Variants in ZNF426 observed in about 807,000 individuals in gnomAD.
ZNF426 encodes zinc finger protein 426.
In ZNF426, 23 loss-of-function variants were observed where a neutral mutation model predicts 24.0. The ratio of observed to expected loss-of-function variants is 0.96; its 90% CI spans 0.69 to 1.36. The LOEUF (loss-of-function observed/expected upper bound fraction) is 1.36. Among genes scored for constraint, ZNF426 ranks in the 40% most tolerant of loss-of-function variants. ZNF426 has a pLI of 0.00. For missense variants in ZNF426, 646 were observed against 658.4 expected, an observed-to-expected ratio of 0.98 and a Z score of 0.21; for synonymous variants, 272 against 224.6, an observed-to-expected ratio of 1.21 and a Z score of -1.89.
In ZNF426 at chr19:9,537,869, G is replaced by A. The variant is rs186235066; in HGVS notation, c.-125+390C>T. On this transcript the variant is annotated intron_variant, in intron 2 of 7. Transcript: ENST00000253115. ...GGGTTTCACCATCTTAGCCAGGCTG[G>A]TTTCAAACTCCTTAATCCAACCATC... 1.1e-4 allele frequency among the ~76,000 whole-genome samples: 17 copies of A among 152,098 alleles called. No individual in the cohort carries two copies. In the East Asian group the frequency reaches 3.3e-3, roughly 29 times the overall value.
At chr19:9,532,264 ATTTTTCTT>A (rs1190166017) in intron 6 of ZNF426, among the ~76,000 whole-genome samples, 40 of 144,812 alleles carry the variant, frequency 2.8e-4, no homozygotes, top group African/African-American at 9.3e-4. Context: ...ATTTCTGGAA[ATTTTTCTT>A]TTTTTCTTTT....
rs2073794643 is a variant in ZNF426, at chr19:9,526,638, A to G, written c.*1742T>C. 2.0e-5 allele frequency: 3 copies of G among 152,192 alleles called. No homozygotes were observed. The South Asian group carries it at 6.2e-4, about 32-fold the overall frequency. 9.4% of individuals were successfully genotyped at this position (152,192 alleles called of 1,614,324 possible). ...TAACTACAAAAGATGTATCCTACAT[A>G]TAAAGGAAATACCAGATGGAAAGAA... On this transcript the variant is annotated 3_prime_UTR_variant, in exon 8 of 8. Transcript: ENST00000253115.
Position 9,528,147 on chromosome 19 carries a change from G to C in ZNF426, c.*233C>G. 1 of 414,946 alleles carries C rather than the reference G, an allele frequency of 2.4e-6. No homozygotes were observed. Among genetic ancestry groups the C allele is most frequent in the Non-Finnish European group, 4.3e-6 (1 of 233,564 alleles). The allele number at this position is 414,946 out of a possible 1,614,324, so 25.7% of individuals were successfully genotyped here. A position where few individuals can be genotyped will look rare whatever the true frequency, so the allele number is the denominator to read the frequency against. Reference sequence around the variant, plus strand: ...GGGATTACAGGTGCCCACCACACCTGGCTAAATTTTTTGTATTTTCAGTAG... The same window carrying C: ...GGGATTACAGGTGCCCACCACACCTCGCTAAATTTTTTGTATTTTCAGTAG... On this transcript the variant is annotated 3_prime_UTR_variant, in exon 8 of 8. Transcript: ENST00000253115.
chr19:9,528,780 C>A lies in ZNF426; in HGVS notation c.1265G>T (p.Cys422Phe), dbSNP rs377750390. 3 of 1,614,052 alleles carry A rather than the reference C, an allele frequency of 1.9e-6. No individual in the cohort carries two copies. The highest frequency in any genetic ancestry group is 1.1e-5 in the South Asian group (1 of 91,090). The change falls in exon 8 of 8, where the codon TGT becomes TTT. Residue 422 changes from cysteine to phenylalanine, a missense_variant. Coordinates refer to ENST00000253115, the MANE Select transcript of ZNF426 (RefSeq NM_024106.3). ...CCCAAATACTTTCCCACATATCTTACACTCACAGGCCTTCTCTTCAGTGTG... is the reference window on the plus strand; with the variant it reads ...CCCAAATACTTTCCCACATATCTTAAACTCACAGGCCTTCTCTTCAGTGTG... ...RTHTEEKACE[C>F]KICGKVFGYP...
chr19:9,538,422 A>C (rs1439921671), intron 1 of ZNF426, 77 bp from the exon 2 acceptor site: 1 of 152,118 alleles, frequency 6.6e-6, no homozygotes, highest in Admixed American at 6.6e-5. Flanking sequence ...CCCTGCGGAC[A>C]CCGTAACTAT....
In ZNF426 at chr19:9,526,694, A is replaced by C. The variant is rs2073795397; in HGVS notation, c.*1686T>G. On this transcript the variant is annotated 3_prime_UTR_variant, in exon 8 of 8. Transcript: ENST00000253115. ...AAGGGAAACAATGACAGAATTTCTCAAAATTAACTCAGACACCAAAACGCA... is the reference window on the plus strand; with the variant it reads ...AAGGGAAACAATGACAGAATTTCTCCAAATTAACTCAGACACCAAAACGCA... The C allele has an allele frequency of 6.6e-6, 1 of 152,170 alleles. No individual in the cohort carries two copies. Among genetic ancestry groups the C allele is most frequent in the Non-Finnish European group, 1.5e-5 (1 of 68,030 alleles). The allele number at this position is 152,170 out of a possible 1,614,324, so 9.4% of individuals were successfully genotyped here.
chr19:9,532,270 CTTTTTTTCTTTTTTTT>C (rs2073896695), intron 6 of ZNF426, among the ~76,000 whole-genome samples: 1 of 137,318 alleles, frequency 7.3e-6, no homozygotes, highest in African/African-American at 2.7e-5. Flanking sequence ...GGAAATTTTT[CTTTTTTTCTTTTTTTT>C]TTTTTTTTTT....
At position 9,525,468 on chromosome 19, in the gene ZNF426, G is replaced by C. The variant is rs1169238415; in HGVS notation, c.*2912C>G. On this transcript the variant is annotated 3_prime_UTR_variant, in exon 8 of 8. Coordinates refer to ENST00000253115, the MANE Select transcript of ZNF426 (RefSeq NM_024106.3). ...TGTTTAAGAAAGGCTGAGCATTGAT[G>C]ATGGGTTTTTGTTGTTGTTGTTGTT... 1.3e-5 allele frequency: 2 copies of C among 152,118 alleles called. No homozygotes were observed. The highest frequency in any genetic ancestry group is 4.8e-5 in the African/African-American group (2 of 41,356). The allele number at this position is 152,118 out of a possible 1,614,324, so 9.4% of individuals were successfully genotyped here.
rs1172976627 is a variant in ZNF426, at chr19:9,533,966, C to G, written c.118G>C (p.Asp40His). The change falls in exon 5 of 8, where the codon GAT becomes CAT. Residue 40 changes from aspartate to histidine, a missense_variant and splice_region_variant. By Grantham distance (81) the Asp-to-His change is moderately conservative (BLOSUM62 -1). Coordinates refer to ENST00000253115, the MANE Select transcript of ZNF426 (RefSeq NM_024106.3). Reference sequence around the variant, plus strand: ...GCCACATCGTCAAAGGTCACTGAATCCTAAAGCATCACACACATGCTGGTT... The same window carrying G: ...GCCACATCGTCAAAGGTCACTGAATGCTAAAGCATCACACACATGCTGGTT... ...VADCLTDCYQDSVTFDDVAVD... is the reference protein window; with the variant it reads ...VADCLTDCYQHSVTFDDVAVD... The G allele has an allele frequency of 2.5e-6, 4 of 1,612,770 alleles. No individual in the cohort carries two copies. In the Admixed American group the frequency reaches 6.7e-5, roughly 27 times the overall value.
At position 9,528,108 on chromosome 19, in the gene ZNF426, C is replaced by T; in HGVS notation, c.*272G>A. Reference sequence around the variant, plus strand: ...GGTTCAAGTGATTCACTTGCCTCAGCCTCCCAAGTAGCTGGGATTACAGGT... The same window carrying T: ...GGTTCAAGTGATTCACTTGCCTCAGTCTCCCAAGTAGCTGGGATTACAGGT... On this transcript the variant is annotated 3_prime_UTR_variant, in exon 8 of 8. Coordinates refer to ENST00000253115, the MANE Select transcript of ZNF426 (RefSeq NM_024106.3). 6.6e-6 allele frequency: 2 copies of T among 302,818 alleles called. No individual in the cohort carries two copies. Among genetic ancestry groups the T allele is most frequent in the African/African-American group, 2.2e-5 (1 of 45,978 alleles). The allele number at this position is 302,818 out of a possible 1,614,324, so 18.8% of individuals were successfully genotyped here.
chr19:9,535,179 G>A lies in ZNF426; in HGVS notation c.117+9C>T. ...TGTCACTATGTATAAGAATACAGCTGCTTTTTACCTGATAACAATCTGTTA... is the reference window on the plus strand; with the variant it reads ...TGTCACTATGTATAAGAATACAGCTACTTTTTACCTGATAACAATCTGTTA... On this transcript the variant is annotated intron_variant, in intron 4 of 7. Transcript: ENST00000253115. 6.2e-7 allele frequency: 1 copy of A among 1,609,204 alleles called. No homozygotes were observed. The highest frequency in any genetic ancestry group is 2.2e-5 in the East Asian group (1 of 44,600).
At chr19:9,534,279 C>G (rs966451104) in intron 4 of ZNF426, among the ~76,000 whole-genome samples, 1 of 152,004 alleles carries the variant, frequency 6.6e-6, no homozygotes, top group Non-Finnish European at 1.5e-5. Context: ...AATCTTGGCT[C>G]ACTGCAACCT....
Sources: allele counts gnomAD v4.1 joint callset (sites outside exome capture counted in the v4.1 genomes callset), GRCh38; gene constraint gnomAD v4.1.1; transcripts MANE v1.5; gene names NCBI Gene and HGNC (gene_info 2026-07-23, HGNC 2026-07-21).